Variants in GRID1 observed in about 807,000 individuals in gnomAD.
GRID1 encodes glutamate receptor ionotropic, delta-1.
GRID1 carries 28 observed loss-of-function variants against 98.0 expected under a neutral mutation model. The ratio of observed to expected loss-of-function variants is 0.29; its 90% CI spans 0.21 to 0.39. The LOEUF (loss-of-function observed/expected upper bound fraction) is 0.39, where lower values mean the gene tolerates loss of function less well. Among genes scored for constraint, GRID1 ranks in the 10% least tolerant of loss-of-function variants. The pLI is 1.00. For missense variants in GRID1, 1,111 were observed against 1,340.5 expected (o/e 0.83, Z 2.67); for synonymous variants, 553 against 538.5 (o/e 1.03, Z -0.37).
intron 12 of GRID1, among the ~76,000 whole-genome samples, chr10:85,672,130 A>T (rs1474900220): frequency 6.6e-6 from 1 of 152,260 alleles, no homozygotes; most frequent in Non-Finnish European, 1.5e-5. Context: ...GCTATACCAA[A>T]TAACCAATTT....
intron 4 of GRID1, among the ~76,000 whole-genome samples, chr10:86,019,867 G>A (rs939476094): frequency 6.6e-6 from 1 of 152,228 alleles, no homozygotes; most frequent in Non-Finnish European, 1.5e-5. Context: ...GCACACTGAT[G>A]GCAGCAGCCA....
At chr10:85,695,680 C>T (rs1254460583) in intron 12 of GRID1, among the ~76,000 whole-genome samples, 5 of 152,098 alleles carry the variant, frequency 3.3e-5, no homozygotes, top group Admixed American at 2.0e-4. Context: ...GTCCTGTCAA[C>T]GCTTTGCCCA....
At position 85,672,498 on chromosome 10, in the gene GRID1, G is replaced by T. The variant is rs564902197; in HGVS notation, c.1998-25101C>A. ...AAGTTTTGTATTTTCAGTTGAGATT[G>T]GGTTTCACCATGTTGGTCAGGATGG... is the stretch of plus-strand genomic sequence containing the variant. On this transcript the variant is annotated intron_variant, in intron 12 of 15. Coordinates refer to ENST00000327946, the MANE Select transcript of GRID1 (RefSeq NM_017551.3). 1.8e-3 allele frequency among the ~76,000 whole-genome samples: 277 copies of T among 152,186 alleles called. 1 individual carries two copies. The highest frequency in any genetic ancestry group is 0.014 in the Middle Eastern group (4 of 292).
At chr10:86,095,707 T>TA (rs201559464) in intron 4 of GRID1, among the ~76,000 whole-genome samples, 1,821 of 152,058 alleles carry the variant, frequency 0.012, 43 homozygotes, top group African/African-American at 0.04. Flanking sequence ...AAAATTTTTT[T>TA]AAAAGTAGAT....
intron 12 of GRID1, among the ~76,000 whole-genome samples, chr10:85,670,939 A>T (rs897888128): frequency 6.6e-6 from 1 of 152,138 alleles, no homozygotes; most frequent in African/African-American, 2.4e-5. Flanking sequence ...CGCCTCCAGG[A>T]TGCCAAAACA....
intron 4 of GRID1, among the ~76,000 whole-genome samples, chr10:86,021,931 C>G (rs1397327596): frequency 6.6e-6 from 1 of 152,138 alleles, no homozygotes; most frequent in Non-Finnish European, 1.5e-5. Flanking sequence ...CCCGGGCTGT[C>G]TAGAGCAGCC....
intron 4 of GRID1, among the ~76,000 whole-genome samples, chr10:85,923,208 T>C (rs1589300113): frequency 6.6e-6 from 1 of 152,080 alleles, no homozygotes; most frequent in South Asian, 2.1e-4. Context: ...GCCCCCACCC[T>C]TGGCAGGAAC....
Position 85,613,613 on chromosome 10 carries a change from C to A in GRID1, c.2395G>T (p.Val799Leu). ...LELQDTGDLD[V>L]LKQKWWPHMG... ...TGCGGCCACCACTTCTGCTTCAGCACATCCAGGTCCCCTGTGTCCTGCAGC... is the reference window on the plus strand; with the variant it reads ...TGCGGCCACCACTTCTGCTTCAGCAAATCCAGGTCCCCTGTGTCCTGCAGC... The change falls in exon 15 of 16, where the codon GTG becomes TTG. Residue 799 changes from valine (V) to leucine (L), a missense_variant. Physicochemically the swap from Val to Leu is conservative, Grantham distance 32 (BLOSUM62 1). Transcript: ENST00000327946. 1 of 1,614,176 alleles carries A rather than the reference C, an allele frequency of 6.2e-7. No individual in the cohort carries two copies. The highest frequency in any genetic ancestry group is 8.5e-7 in the Non-Finnish European group (1 of 1,180,020).
rs1055920190 is a variant in GRID1 at position 86,364,080 on chromosome 10, C to G, written c.96G>C (p.Glu32Asp). The G allele has an allele frequency of 6.2e-7, 1 of 1,613,958 alleles. No homozygotes were observed. Among genetic ancestry groups the G allele is most frequent in the East Asian group, 2.2e-5 (1 of 44,876 alleles). ...ACACCCTGTCGTCCTTGGCCGCGTT[C>G]TCCTCGAAGATGGCACCTGGAGGAG... is the stretch of plus-strand genomic sequence containing the variant. Reference protein sequence around the residue: ...SIIHIGAIFEENAAKDDRVFQ... With the variant: ...SIIHIGAIFEDNAAKDDRVFQ... Residue 32 changes from glutamate (E) to aspartate (D), a missense_variant, in exon 2 of 16, where the codon GAG becomes GAC. Coordinates refer to ENST00000327946, the MANE Select transcript of GRID1 (RefSeq NM_017551.3).
At chr10:86,215,845 A>G (rs1846169930) in intron 2 of GRID1, among the ~76,000 whole-genome samples, 2 of 152,078 alleles carry the variant, frequency 1.3e-5, no homozygotes, top group Non-Finnish European at 2.9e-5. Flanking sequence ...CGCCCTTGAA[A>G]TATTAGCCAT....
At chr10:85,802,838 AAC>A (rs59101010) in intron 8 of GRID1, among the ~76,000 whole-genome samples, 23,561 of 120,620 alleles carry the variant, frequency 0.2, 2,167 homozygotes, top group Middle Eastern at 0.26. Context: ...AAGCAGAATA[AAC>A]ACACACACAC....
chr10:86,234,194 C>T (rs1846500289), intron 2 of GRID1, among the ~76,000 whole-genome samples: 1 of 152,204 alleles, frequency 6.6e-6, no homozygotes, highest in Non-Finnish European at 1.5e-5. Context: ...GCTCCATCCC[C>T]CTTTTCCTTC....
intron 4 of GRID1, among the ~76,000 whole-genome samples, chr10:86,086,023 G>T (rs1165469784): frequency 6.6e-6 from 1 of 152,010 alleles, no homozygotes; most frequent in Non-Finnish European, 1.5e-5. Flanking sequence ...CTAGTCCTTT[G>T]CACTCACTGT....
intron 8 of GRID1, among the ~76,000 whole-genome samples, chr10:85,737,446 T>G (rs918799476): frequency 6.6e-6 from 1 of 151,672 alleles, no homozygotes; most frequent in Non-Finnish European, 1.5e-5. Context: ...GCTCAAGCTC[T>G]AGCTTCTACT....
At chr10:85,955,008 T>C (rs1842170996) in intron 4 of GRID1, among the ~76,000 whole-genome samples, 2 of 152,122 alleles carry the variant, frequency 1.3e-5, no homozygotes, top group Non-Finnish European at 1.5e-5. Flanking sequence ...GGTACAAGTA[T>C]ACAAAAAATA....
intron 3 of GRID1, among the ~76,000 whole-genome samples, chr10:86,159,260 C>T (rs1845286931): frequency 6.6e-6 from 1 of 152,122 alleles, no homozygotes; most frequent in African/African-American, 2.4e-5. Flanking sequence ...ATTACATATG[C>T]GGTTCACACT....
At chr10:85,700,991 T>C (rs1399538421) in intron 12 of GRID1, among the ~76,000 whole-genome samples, 2 of 152,206 alleles carry the variant, frequency 1.3e-5, no homozygotes, top group African/African-American at 4.8e-5. Context: ...AATATGTTTA[T>C]AAAGAGAGAA....
intron 3 of GRID1, among the ~76,000 whole-genome samples, chr10:86,183,407 C>T (rs1034698654): frequency 2.0e-5 from 3 of 151,858 alleles, no homozygotes; most frequent in Admixed American, 6.6e-5. Flanking sequence ...TTGCCCAGGC[C>T]GAAGTGCAAT....
intron 8 of GRID1, among the ~76,000 whole-genome samples, chr10:85,778,969 G>A (rs913975037): frequency 1.3e-5 from 2 of 152,216 alleles, no homozygotes; most frequent in Admixed American, 1.3e-4. Flanking sequence ...AGAGGAGGAT[G>A]AAGGAGAAGA....
Sources: gnomAD v4.1 joint callset for allele counts (sites outside exome capture counted in the v4.1 genomes callset) on GRCh38, gnomAD v4.1.1 for gene constraint, MANE v1.5 for transcripts, NCBI Gene and HGNC (gene_info 2026-07-23, HGNC 2026-07-21) for gene names.